Variants in LIMCH1 observed in about 807,000 individuals in gnomAD.
The protein encoded by LIMCH1 is LIM and calponin homology domains 1, also known as LIM and calponin homology domains-containing protein 1.
LIMCH1 carries 113 observed loss-of-function variants against 176.5 expected under a neutral mutation model. The observed-to-expected ratio is 0.64, with a 90% CI of 0.55 to 0.75. The LOEUF (loss-of-function observed/expected upper bound fraction) is 0.75. LIMCH1 is among the 30% of genes least tolerant of loss of function. The pLI is 0.00. For missense variants in LIMCH1, 1,674 were observed against 1,814.9 expected (o/e 0.92, Z 1.41); for synonymous variants, 619 against 645.9 (o/e 0.96, Z 0.63).
Position 41,644,626 on chromosome 4 carries a change from T to C in LIMCH1, c.2253T>C (p.Asp751=). The stretch of plus-strand genomic sequence containing the variant: ...GGGAAGAGGACGACAAATGGCAAGA[T>C]GTGAGTTGTGGCCAAGGCGCGCGGG... ...QLREEDDKWQ[D]DLARWKSRRR... Residue 751 remains aspartate (D), a splice_region_variant and synonymous_variant, in exon 15 of 32, where the codon GAT becomes GAC. Coordinates refer to ENST00000503057, the MANE Select transcript of LIMCH1 (RefSeq NM_001330672.2). 1 of 1,608,894 alleles carries C rather than the reference T, an allele frequency of 6.2e-7. No homozygotes were observed. Among genetic ancestry groups the C allele is most frequent in the Non-Finnish European group, 8.5e-7 (1 of 1,177,222 alleles).
At chr4:41,678,362 G>A (rs1441414429) in intron 23 of LIMCH1, among the ~76,000 whole-genome samples, 1 of 152,016 alleles carries the variant, frequency 6.6e-6, no homozygotes, top group East Asian at 1.9e-4. Context: ...TTTGTAACTT[G>A]CAGAAGGTTA....
chr4:41,568,704 G>A (rs1007845058), intron 1 of LIMCH1, among the ~76,000 whole-genome samples: 6 of 152,144 alleles, frequency 3.9e-5, no homozygotes, highest in Admixed American at 6.5e-5. Flanking sequence ...AAAATAAGGC[G>A]AGGCTATAGG....
chr4:41,424,540 A>G (rs191956694), intron 1 of LIMCH1, among the ~76,000 whole-genome samples: 3 of 152,334 alleles, frequency 2.0e-5, no homozygotes, highest in African/African-American at 7.2e-5. Flanking sequence ...AGCATGTATT[A>G]TGTAACTTCT....
At chr4:41,505,763 A>G (rs1472825161) in intron 2 of LIMCH1, among the ~76,000 whole-genome samples, 1 of 151,870 alleles carries the variant, frequency 6.6e-6, no homozygotes, top group Non-Finnish European at 1.5e-5. Context: ...TTTGTATTTC[A>G]CTCATTGGAC....
intron 1 of LIMCH1, among the ~76,000 whole-genome samples, chr4:41,450,816 A>AC (rs1178792140): frequency 6.6e-6 from 1 of 151,212 alleles, no homozygotes; most frequent in Non-Finnish European, 1.5e-5. Flanking sequence ...AAAAAAAAAA[A>AC]AAAAAAAGTT....
At chr4:41,362,448 T>G (rs1436961615) in intron 1 of LIMCH1, among the ~76,000 whole-genome samples, 1 of 152,212 alleles carries the variant, frequency 6.6e-6, no homozygotes, top group Admixed American at 6.5e-5. Flanking sequence ...AGTTACTGGC[T>G]TATTGCAGAG....
chr4:41,579,244 T>C (rs1412778152), intron 1 of LIMCH1, among the ~76,000 whole-genome samples: 1 of 152,154 alleles, frequency 6.6e-6, no homozygotes, highest in Non-Finnish European at 1.5e-5. Context: ...TACCTCTCAA[T>C]ATCAGGGCTG....
chr4:41,438,122 A>C, intron 1 of LIMCH1, among the ~76,000 whole-genome samples: 1 of 152,168 alleles, frequency 6.6e-6, no homozygotes. Context: ...AACCACATCC[A>C]AAGCATATTC....
At chr4:41,647,829 A>G (rs777347941) in intron 17 of LIMCH1, among the ~76,000 whole-genome samples, 1 of 152,188 alleles carries the variant, frequency 6.6e-6, no homozygotes, top group African/African-American at 2.4e-5. Context: ...AAAAATCTCT[A>G]TCTTAGGCTT....
chr4:41,375,059 T>G (rs2054531368), intron 1 of LIMCH1, among the ~76,000 whole-genome samples: 1 of 152,206 alleles, frequency 6.6e-6, no homozygotes, highest in Non-Finnish European at 1.5e-5. Flanking sequence ...ATCTGGGTAC[T>G]TTTAGTAGAA....
chr4:41,528,090 G>A (rs1287779028), intron 3 of LIMCH1, among the ~76,000 whole-genome samples: 1 of 151,808 alleles, frequency 6.6e-6, no homozygotes, highest in Non-Finnish European at 1.5e-5. Context: ...GATCTTAGAT[G>A]GCAAATATAT....
chr4:41,584,876 A>G (rs986669844), intron 1 of LIMCH1, among the ~76,000 whole-genome samples: 4 of 152,178 alleles, frequency 2.6e-5, no homozygotes, highest in Non-Finnish European at 4.4e-5. Context: ...TATTTCTCAC[A>G]GTTCTGGAGG....
chr4:41,555,967 A>G (rs949431269), intron 1 of LIMCH1, among the ~76,000 whole-genome samples: 1 of 151,360 alleles, frequency 6.6e-6, no homozygotes, highest in Non-Finnish European at 1.5e-5. Flanking sequence ...TTGGTCTTGA[A>G]CTCCTGGGCT....
At position 41,604,612 on chromosome 4, in the gene LIMCH1, T is replaced by G. The variant is rs138460155; in HGVS notation, c.-103+707T>G. ...TATACGCCATTTTTCATCATAAAAT[T>G]TTAAACAAATCAGAAAACCTTTAAC... On this transcript the variant is annotated intron_variant, in intron 3 of 31. Transcript: ENST00000503057. Among the ~76,000 whole-genome samples the G allele has an allele frequency of 6.6e-5, 10 of 152,310 alleles. No individual in the cohort carries two copies. The East Asian group carries it at 1.9e-3, about 29-fold the overall frequency.
At chr4:41,411,956 C>CAAAA (rs61054692) in intron 1 of LIMCH1, among the ~76,000 whole-genome samples, 24 of 38,576 alleles carry the variant, frequency 6.2e-4, no homozygotes, top group Admixed American at 1.0e-3. Context: ...GACTCCATCT[C>CAAAA]AAAAAAAAAA....
intron 14 of LIMCH1, 50 bp downstream of exon 14, chr4:41,639,017 C>T (rs757073616): frequency 1.0e-5 from 14 of 1,392,066 alleles, no homozygotes; most frequent in Non-Finnish European, 1.3e-5. Context: ...GCCTAAACTG[C>T]ATGCTTCCAG....
intron 3 of LIMCH1, among the ~76,000 whole-genome samples, chr4:41,528,089 T>C (rs1258308617): frequency 2.6e-5 from 4 of 152,052 alleles, no homozygotes; most frequent in African/African-American, 9.7e-5. Flanking sequence ...TGATCTTAGA[T>C]GGCAAATATA....
At chr4:41,645,008 G>A (rs1186389252) in intron 15 of LIMCH1, among the ~76,000 whole-genome samples, 1 of 152,222 alleles carries the variant, frequency 6.6e-6, no homozygotes, top group Non-Finnish European at 1.5e-5. Flanking sequence ...ACCAGGCATT[G>A]TTCTAAGTAC....
At chr4:41,426,207 G>T (rs1178855873) in intron 1 of LIMCH1, among the ~76,000 whole-genome samples, 1 of 151,386 alleles carries the variant, frequency 6.6e-6, no homozygotes, top group Non-Finnish European at 1.5e-5. Context: ...ATTTTTAGTA[G>T]AGACGGGGTT....
Sources: gnomAD v4.1 joint callset for allele counts (sites outside exome capture counted in the v4.1 genomes callset) on GRCh38, gnomAD v4.1.1 for gene constraint, MANE v1.5 for transcripts, NCBI Gene and HGNC (gene_info 2026-07-23, HGNC 2026-07-21) for gene names.